Variants in PSMD1 observed in about 807,000 individuals in gnomAD.
PSMD1 encodes the protein proteasome 26S subunit, non-ATPase 1.
PSMD1 carries 18 observed loss-of-function variants against 119.0 expected under a neutral mutation model. The ratio of observed to expected loss-of-function variants is 0.15; its 90% CI spans 0.10 to 0.22. PSMD1 has a LOEUF of 0.22. Among genes scored for constraint, PSMD1 ranks in the 10% least tolerant of loss-of-function variants. The probability of loss-of-function intolerance (pLI) is 1.00; values close to 1 mark genes in which losing one functional copy is unlikely to be tolerated. For synonymous variants in PSMD1, 374 were observed against 396.6 expected (o/e 0.94, Z 0.68); for missense variants, 702 against 1,158.5 (o/e 0.61, Z 5.72).
intron 16 of PSMD1, among the ~76,000 whole-genome samples, chr2:231,096,714 A>G (rs1196474679): frequency 6.6e-6 from 1 of 152,244 alleles, no homozygotes. Context: ...CACTTGGACA[A>G]GGGAGGGGAA....
At chr2:231,117,791 C>T (rs145109996) in intron 16 of PSMD1, among the ~76,000 whole-genome samples, 11 of 152,086 alleles carry the variant, frequency 7.2e-5, no homozygotes, top group African/African-American at 9.7e-5. Flanking sequence ...TATAGGTTGA[C>T]GCACAAGTAT....
chr2:231,095,464 C>T (rs1295700979), intron 16 of PSMD1, among the ~76,000 whole-genome samples: 1 of 152,162 alleles, frequency 6.6e-6, no homozygotes, highest in Non-Finnish European at 1.5e-5. Context: ...GGCATATAAA[C>T]TTAAATGCCT....
At position 231,085,050 on chromosome 2, in the gene PSMD1, C is replaced by T. The variant is rs779571986; in HGVS notation, c.1754C>T (p.Thr585Ile). Residue 585 changes from threonine to isoleucine, a missense_variant, in exon 15 of 25, where the codon ACT (threonine) becomes ATT (isoleucine). Thr to Ile is a moderately conservative substitution (Grantham distance 89). This residue lies in a region of PSMD1 where 272 missense variants were observed against 511.6 expected (regional missense o/e 0.53). Coordinates refer to ENST00000308696, the MANE Select transcript of PSMD1 (RefSeq NM_002807.4). ...ATTCTTCGAAGGTCTGGAATGTATA[C>T]TGTAGCCATGGCTTATTGTGGCTCT... is the stretch of plus-strand genomic sequence containing the variant. The part of the protein sequence containing the change: ...DPILRRSGMY[T>I]VAMAYCGSGN... 4 of 1,613,948 alleles carry T rather than the reference C, an allele frequency of 2.5e-6. No individual in the cohort carries two copies. Among genetic ancestry groups the T allele is most frequent in the Non-Finnish European group, 3.4e-6 (4 of 1,179,838 alleles).
At chr2:231,101,732 A>T (rs965244639) in intron 16 of PSMD1, among the ~76,000 whole-genome samples, 1 of 152,232 alleles carries the variant, frequency 6.6e-6, no homozygotes, top group African/African-American at 2.4e-5. Flanking sequence ...AGCCACCAAC[A>T]TCAGGAGAAG....
At chr2:231,163,822 G>GA in intron 21 of PSMD1, 95 bp downstream of exon 21, 1 of 875,230 alleles carries the variant, frequency 1.1e-6, no homozygotes, top group Non-Finnish European at 1.7e-6. Flanking sequence ...TGTTTTAAAA[G>GA]TAACACTTCT....
chr2:231,088,703 C>T (rs1037512919), intron 16 of PSMD1, among the ~76,000 whole-genome samples: 12 of 152,142 alleles, frequency 7.9e-5, no homozygotes, highest in Admixed American at 2.6e-4. Context: ...CTTGGGACTC[C>T]CTATTCCCTG....
chr2:231,058,338 A>G (rs1462849554), intron 1 of PSMD1, among the ~76,000 whole-genome samples: 1 of 152,094 alleles, frequency 6.6e-6, no homozygotes, highest in African/African-American at 2.4e-5. Context: ...TTCGACCATT[A>G]CCTCCGTACA....
At chr2:231,089,617 G>A (rs943178782) in intron 16 of PSMD1, among the ~76,000 whole-genome samples, 49 of 148,834 alleles carry the variant, frequency 3.3e-4, no homozygotes, top group Admixed American at 9.3e-4. Flanking sequence ...ATATATATGG[G>A]AGTTTATTAA....
At chr2:231,148,624 A>G (rs1696301696) in intron 18 of PSMD1, among the ~76,000 whole-genome samples, 1 of 152,246 alleles carries the variant, frequency 6.6e-6, no homozygotes, top group Non-Finnish European at 1.5e-5. Flanking sequence ...GTAAGTGTAT[A>G]TACCACTGAC....
chr2:231,059,416 A>G (rs1318274926), intron 1 of PSMD1, among the ~76,000 whole-genome samples: 1 of 152,174 alleles, frequency 6.6e-6, no homozygotes, highest in African/African-American at 2.4e-5. Flanking sequence ...GTTGCTAGGC[A>G]TCACCATACA....
At chr2:231,086,350 A>C (rs2125176970) in intron 15 of PSMD1, among the ~76,000 whole-genome samples, 2 of 152,288 alleles carry the variant, frequency 1.3e-5, no homozygotes, top group Middle Eastern at 6.8e-3. Context: ...TGGCCAGTTG[A>C]AATGGTCTTA....
chr2:231,091,152 T>C (rs145283783), intron 16 of PSMD1, among the ~76,000 whole-genome samples: 288 of 152,218 alleles, frequency 1.9e-3, no homozygotes, highest in African/African-American at 6.4e-3. Context: ...GTTTATTTAG[T>C]ACAGATTTAA....
At chr2:231,153,731 T>C (rs1696420281) in intron 19 of PSMD1, 65 bp downstream of exon 19, 1 of 1,132,264 alleles carries the variant, frequency 8.8e-7, no homozygotes, top group South Asian at 1.4e-5. Flanking sequence ...AACTATCTGC[T>C]CTAACTATAT....
At chr2:231,169,445 T>C (rs551185007) in intron 23 of PSMD1, among the ~76,000 whole-genome samples, 1 of 152,220 alleles carries the variant, frequency 6.6e-6, no homozygotes, top group African/African-American at 2.4e-5. Context: ...ATAAAATGGA[T>C]CCTCTTCAAG....
chr2:231,164,545 T>A (rs948346620), intron 21 of PSMD1, among the ~76,000 whole-genome samples: 1 of 152,136 alleles, frequency 6.6e-6, no homozygotes, highest in Non-Finnish European at 1.5e-5. Context: ...TAAGTAAGGA[T>A]AATTAACCAA....
chr2:231,076,182 T>A (rs1439795640), intron 8 of PSMD1, among the ~76,000 whole-genome samples: 1 of 152,180 alleles, frequency 6.6e-6, no homozygotes, highest in Admixed American at 6.5e-5. Flanking sequence ...AAAGGTATGG[T>A]CTCTAGCAAA....
At chr2:231,162,769 G>A (rs183238381) in intron 20 of PSMD1, among the ~76,000 whole-genome samples, 1 of 151,312 alleles carries the variant, frequency 6.6e-6, no homozygotes, top group East Asian at 1.9e-4. Context: ...AGAGGTTGCA[G>A]TGAGCTGAGA....
At chr2:231,165,804 G>A in intron 22 of PSMD1, 67 bp from the exon 23 acceptor site, 1 of 1,356,000 alleles carries the variant, frequency 7.4e-7, no homozygotes, top group South Asian at 1.4e-5. Flanking sequence ...GTCAACTTCA[G>A]ATGTTACTCA....
At chr2:231,060,358 G>A (rs914000413) in intron 1 of PSMD1, 4 of 152,170 alleles carry the variant, frequency 2.6e-5, no homozygotes, top group African/African-American at 9.7e-5. Context: ...AATTAGAAAT[G>A]GCTACATCTA....
Sources: allele counts gnomAD v4.1 joint callset (sites outside exome capture counted in the v4.1 genomes callset), GRCh38; gene constraint gnomAD v4.1.1; regional missense constraint gnomAD v4.1.1; transcripts MANE v1.5; gene names NCBI Gene and HGNC (gene_info 2026-07-23, HGNC 2026-07-21).